TRPM3: variants seen among roughly 807,000 people sequenced by gnomAD.
TRPM3 encodes the protein long transient receptor potential channel 3.
A neutral mutation model predicts 181.2 loss-of-function variants in TRPM3; 77 were observed. The observed-to-expected ratio is 0.42, with a 90% CI of 0.35 to 0.51. The LOEUF is 0.51. TRPM3 is among the 20% of genes least tolerant of loss of function. The pLI, the probability that TRPM3 is intolerant of heterozygous loss-of-function variation, is 0.01. For synonymous variants in TRPM3, 745 were observed against 796.4 expected (o/e 0.94, Z 1.09); for missense variants, 1,759 against 2,196.7 (o/e 0.80, Z 3.98).
exon 1 of TRPM3, chr9:71,446,763 G>A (rs965770452): frequency 1.3e-6 from 2 of 1,550,376 alleles, no homozygotes; most frequent in African/African-American, 1.4e-5. Context: ...CTGCGTCTGC[G>A]GCTCTCCGCG....
rs71367234 is a variant in TRPM3, at chr9:70,864,525, CAA to C, written c.178-16_178-15del. ...GGATTTCTGAGCCTGAAAAAGAAAA[CAA>C]AAAAAAAAAAAAAAGAAAAAAGAAA... On this transcript the variant is annotated splice_polypyrimidine_tract_variant and intron_variant, in intron 1 of 25. Coordinates refer to ENST00000677713, the MANE Select transcript of TRPM3 (RefSeq NM_001366145.2). 3,087 of 892,540 alleles carry C rather than the reference CAA, an allele frequency of 3.5e-3. No homozygotes were observed. Among genetic ancestry groups the C allele is most frequent in the South Asian group, 6.4e-3 (167 of 25,944 alleles). 55.3% of individuals were successfully genotyped at this position (892,540 alleles called of 1,614,324 possible).
At chr9:70,653,905 G>C (rs2059928360) in intron 9 of TRPM3, among the ~76,000 whole-genome samples, 1 of 152,066 alleles carries the variant, frequency 6.6e-6, no homozygotes, top group Admixed American at 6.6e-5. Flanking sequence ...ATTCTTCTTA[G>C]TTCTAAAGTT....
At chr9:71,294,910 A>C (rs2086128862) in intron 1 of TRPM3, among the ~76,000 whole-genome samples, 1 of 152,198 alleles carries the variant, frequency 6.6e-6, no homozygotes, top group African/African-American at 2.4e-5. Flanking sequence ...ATGGACAAAA[A>C]CAGGCAAAAC....
rs1563912422 is a variant in TRPM3, at chr9:71,420,977, G to GAGAGAGAAAA, written c.183+25666_183+25675dup. 4.6e-3 allele frequency among the ~76,000 whole-genome samples: 565 copies of GAGAGAGAAAA among 123,968 alleles called. 39 individuals carry two copies. The highest frequency in any genetic ancestry group is 0.037 in the South Asian group (126 of 3,406). 81.3% of individuals were successfully genotyped at this position (123,968 alleles called of 152,430 possible). A position where few individuals can be genotyped will look rare whatever the true frequency, so the allele number is the denominator to read the frequency against. Reference sequence around the variant, plus strand: ...AGGGAGAGAAAAAGGGAGAGAAAAAGAGAGAGAAAAAGAGAGAGAAAAAGA... The same window carrying GAGAGAGAAAA: ...AGGGAGAGAAAAAGGGAGAGAAAAAGAGAGAGAAAAAGAGAGAAAAAGAGAGAGAAAAAGA... On this transcript the variant is annotated intron_variant, in intron 1 of 24. Transcript: ENST00000357533.
chr9:70,598,608 C>G lies in TRPM3; in HGVS notation c.2859G>C (p.Trp953Cys). Residue 953 changes from tryptophan to cysteine, a missense_variant, in exon 21 of 26, where the codon TGG (tryptophan) becomes TGC (cysteine). By Grantham distance (215) the Trp-to-Cys change is radical. This residue lies in a region of TRPM3 where 100 missense variants were observed against 123.0 expected (regional missense o/e 0.81). Coordinates refer to ENST00000677713, the MANE Select transcript of TRPM3 (RefSeq NM_001366145.2). Reference protein sequence around the residue: ...QKVKVWLQEYWNVTDLIAILL... With the variant: ...QKVKVWLQEYCNVTDLIAILL... ...GGATGGCGATGAGGTCCGTGACATT[C>G]CAGTACTCCTGCAGCCATACCTTCA... The G allele has an allele frequency of 1.9e-6, 3 of 1,614,230 alleles. No individual in the cohort carries two copies. Among genetic ancestry groups the G allele is most frequent in the Non-Finnish European group, 2.5e-6 (3 of 1,180,048 alleles).
At chr9:71,170,752 A>G (rs1352711040) in intron 1 of TRPM3, among the ~76,000 whole-genome samples, 1 of 152,208 alleles carries the variant, frequency 6.6e-6, no homozygotes, top group Non-Finnish European at 1.5e-5. Context: ...ATACTGCCTC[A>G]GGATCCTGTA....
chr9:70,993,094 T>C (rs1341144709), intron 1 of TRPM3, among the ~76,000 whole-genome samples: 1 of 152,188 alleles, frequency 6.6e-6, no homozygotes. Context: ...CCTGAGGGCA[T>C]AGAGGAGCTG....
At chr9:71,376,195 G>A (rs947201400) in intron 1 of TRPM3, among the ~76,000 whole-genome samples, 7 of 151,694 alleles carry the variant, frequency 4.6e-5, no homozygotes, top group Non-Finnish European at 1.0e-4. Context: ...AAAATGATGA[G>A]ATATAAAAGT....
chr9:70,863,045 C>T lies in TRPM3; in HGVS notation c.325G>A (p.Glu109Lys), dbSNP rs765577239. Residue 109 changes from glutamate (E) to lysine (K), a missense_variant, in exon 3 of 26, where the codon GAG becomes AAG. By Grantham distance (56) the Glu-to-Lys change is moderately conservative. Around this residue, in one of 8 missense-constraint regions of TRPM3, gnomAD observed 737 missense variants for 957.4 expected, o/e 0.77. Coordinates refer to ENST00000677713, the MANE Select transcript of TRPM3 (RefSeq NM_001366145.2). Reference protein sequence around the residue: ...LTPSISVLQNEKNESRLSRND... With the variant: ...LTPSISVLQNKKNESRLSRND... ...CGGGAGAGGCGACTTTCATTTTTCT[C>T]ATTCTGAAGCACGGAGATACTGGGG... 18 of 1,613,540 alleles carry T rather than the reference C, an allele frequency of 1.1e-5. No individual in the cohort carries two copies. The highest frequency in any genetic ancestry group is 1.4e-5 in the Non-Finnish European group (16 of 1,179,732).
intron 1 of TRPM3, among the ~76,000 whole-genome samples, chr9:71,384,048 CT>C (rs1211161872): frequency 3.3e-5 from 5 of 152,192 alleles, no homozygotes; most frequent in African/African-American, 4.8e-5. Context: ...TTCCATGACG[CT>C]GTAATAAATC....
At chr9:70,674,896 C>A (rs1441234677) in intron 9 of TRPM3, among the ~76,000 whole-genome samples, 3 of 151,180 alleles carry the variant, frequency 2.0e-5, no homozygotes, top group South Asian at 2.1e-4. Flanking sequence ...AATTTATCTA[C>A]CTTTAAGTTT....
chr9:71,237,224 A>G (rs1401802980), intron 1 of TRPM3, among the ~76,000 whole-genome samples: 1 of 152,192 alleles, frequency 6.6e-6, no homozygotes, highest in Non-Finnish European at 1.5e-5. Flanking sequence ...TTGTTTTGAT[A>G]ATTCAAAATT....
At chr9:71,130,558 A>G (rs1056359813) in intron 1 of TRPM3, among the ~76,000 whole-genome samples, 3 of 152,108 alleles carry the variant, frequency 2.0e-5, no homozygotes, top group African/African-American at 4.8e-5. Context: ...TATTATCAAG[A>G]CTCTACTACT....
chr9:70,920,480 G>C (rs1257884559), intron 1 of TRPM3, among the ~76,000 whole-genome samples: 1 of 152,174 alleles, frequency 6.6e-6, no homozygotes, highest in African/African-American at 2.4e-5. Flanking sequence ...TGGCACTTTA[G>C]TCCCCTCTAC....
intron 1 of TRPM3, among the ~76,000 whole-genome samples, chr9:71,346,191 C>T (rs1268545298): frequency 6.6e-6 from 1 of 152,070 alleles, no homozygotes; most frequent in African/African-American, 2.4e-5. Context: ...TGCCACTCAA[C>T]AATAAAAAGA....
chr9:71,119,861 A>C (rs1018178122), intron 1 of TRPM3, among the ~76,000 whole-genome samples: 1 of 152,194 alleles, frequency 6.6e-6, no homozygotes, highest in African/African-American at 2.4e-5. Flanking sequence ...TCCAAGGAAA[A>C]GTCTCTTCTA....
At chr9:71,058,056 C>A (rs1443445961) in intron 1 of TRPM3, among the ~76,000 whole-genome samples, 3 of 151,922 alleles carry the variant, frequency 2.0e-5, no homozygotes, top group Non-Finnish European at 2.9e-5. Flanking sequence ...CAGATAGTAT[C>A]CCTGTAAAAG....
chr9:71,079,528 G>A (rs973113023), intron 1 of TRPM3, among the ~76,000 whole-genome samples: 4 of 152,214 alleles, frequency 2.6e-5, no homozygotes, highest in African/African-American at 9.6e-5. Flanking sequence ...GTACCTGGGT[G>A]TGAAGCAGTG....
intron 1 of TRPM3, among the ~76,000 whole-genome samples, chr9:70,985,754 T>C (rs2134069227): frequency 6.6e-6 from 1 of 152,246 alleles, no homozygotes; most frequent in East Asian, 1.9e-4. Context: ...AATCTATGAT[T>C]TAACAAGGGA....
Sources: allele counts gnomAD v4.1 joint callset (sites outside exome capture counted in the v4.1 genomes callset), GRCh38; gene constraint gnomAD v4.1.1; regional missense constraint gnomAD v4.1.1; transcripts MANE v1.5; gene names NCBI Gene and HGNC (gene_info 2026-07-23, HGNC 2026-07-21).